HERC1: variants seen among roughly 807,000 people sequenced by gnomAD.
HERC1 encodes the protein probable E3 ubiquitin-protein ligase HERC1.
Under a neutral mutation model 554.3 loss-of-function variants are expected in HERC1, and 160 were observed. That is an observed-to-expected ratio of 0.29 (90% CI 0.25 to 0.33). The LOEUF (loss-of-function observed/expected upper bound fraction) is 0.33. Among genes scored for constraint, HERC1 ranks in the 10% least tolerant of loss-of-function variants. The probability of loss-of-function intolerance (pLI) is 1.00; values close to 1 mark genes in which losing one functional copy is unlikely to be tolerated. For missense variants in HERC1, 4,919 were observed against 5,918.5 expected, an observed-to-expected ratio of 0.83 and a Z score of 5.54; for synonymous variants, 2,175 against 2,131.7, an observed-to-expected ratio of 1.02 and a Z score of -0.56.
chr15:63,760,415 C>A (rs536239334), intron 3 of HERC1, among the ~76,000 whole-genome samples: 10 of 126,976 alleles, frequency 7.9e-5, no homozygotes, highest in Admixed American at 6.1e-4. Flanking sequence ...TACTCCAGCC[C>A]GGGCAGCAGA....
rs573648232 is a variant in HERC1 at position 63,720,103 on chromosome 15, CT to C, written c.3743-1207del. Among the ~76,000 whole-genome samples the C allele has an allele frequency of 4.6e-3, 330 of 71,582 alleles. 26 individuals carry two copies. The highest frequency in any genetic ancestry group is 0.014 in the African/African-American group (226 of 16,622). 47.0% of individuals were successfully genotyped at this position (71,582 alleles called of 152,430 possible). On this transcript the variant is annotated intron_variant, in intron 19 of 77. Transcript: ENST00000443617. ...GGACTAGTCAGGTGCTTTTTCTTCC[CT>C]TTTTTTTTTTTTTTAAGAGACAGGG...
chr15:63,742,838 G>T (rs2074865466), intron 12 of HERC1, among the ~76,000 whole-genome samples: 1 of 152,100 alleles, frequency 6.6e-6, no homozygotes, highest in South Asian at 2.1e-4. Context: ...TAGGTAAGTT[G>T]CTGGATTTGG....
At chr15:63,722,446 G>A (rs1227404866) in intron 19 of HERC1, among the ~76,000 whole-genome samples, 1 of 152,148 alleles carries the variant, frequency 6.6e-6, no homozygotes, top group African/African-American at 2.4e-5. Context: ...GAATATAACA[G>A]TCTCCCTTAT....
intron 8 of HERC1, among the ~76,000 whole-genome samples, chr15:63,751,736 T>C (rs577076084): frequency 6.6e-6 from 1 of 152,290 alleles, no homozygotes; most frequent in East Asian, 1.9e-4. Flanking sequence ...TTTTCACGCA[T>C]ATATATTTGA....
chr15:63,757,687 G>A lies in HERC1; in HGVS notation c.1221+488C>T, dbSNP rs1387161963. Among the ~76,000 whole-genome samples, 9 of 152,106 alleles carry A rather than the reference G, an allele frequency of 5.9e-5. No homozygotes were observed. In the South Asian group the frequency reaches 1.0e-3, roughly 17 times the overall value. On this transcript the variant is annotated intron_variant, in intron 4 of 77. Transcript: ENST00000443617. ...TTTGAAAGTTGGAAATGCTGTCAGG[G>A]ATACTGGGGACTAAAAATGTATTTT... is the stretch of plus-strand genomic sequence containing the variant.
chr15:63,634,940 A>T, intron 65 of HERC1, 52 bp from the exon 66 acceptor site: 1 of 1,395,242 alleles, frequency 7.2e-7, no homozygotes, highest in Non-Finnish European at 9.8e-7. Context: ...AACTAAGAAA[A>T]AAGTAAATCT....
chr15:63,762,999 C>T (rs2075659809), intron 3 of HERC1, among the ~76,000 whole-genome samples: 1 of 152,170 alleles, frequency 6.6e-6, no homozygotes, highest in Non-Finnish European at 1.5e-5. Context: ...CATGCGCCTG[C>T]CCTTTTGACC....
intron 1 of HERC1, among the ~76,000 whole-genome samples, chr15:63,779,030 C>T (rs933276926): frequency 2.6e-5 from 4 of 151,072 alleles, no homozygotes; most frequent in African/African-American, 9.7e-5. Flanking sequence ...ATTATCTCAG[C>T]AATGAAGAAT....
At chr15:63,643,323 A>G in intron 58 of HERC1, 81 bp downstream of exon 58, 1 of 1,243,976 alleles carries the variant, frequency 8.0e-7, no homozygotes, top group Non-Finnish European at 1.1e-6. Context: ...AAATGTTTCT[A>G]CAATTGGTTA....
At chr15:63,790,899 A>G (rs1448878679) in intron 1 of HERC1, among the ~76,000 whole-genome samples, 1 of 152,134 alleles carries the variant, frequency 6.6e-6, no homozygotes, top group Admixed American at 6.5e-5. Context: ...CAAAAGTTAT[A>G]ATCCCTATCC....
intron 3 of HERC1, among the ~76,000 whole-genome samples, chr15:63,759,579 C>A (rs1352891933): frequency 6.6e-6 from 1 of 152,174 alleles, no homozygotes; most frequent in African/African-American, 2.4e-5. Context: ...TAAAGTTTTT[C>A]CATCTATTTG....
At chr15:63,709,115 G>A (rs1263331548) in intron 24 of HERC1, among the ~76,000 whole-genome samples, 1 of 151,208 alleles carries the variant, frequency 6.6e-6, no homozygotes, top group South Asian at 2.1e-4. Flanking sequence ...TCAGCCTCCC[G>A]AGTAGCTGGG....
intron 17 of HERC1, among the ~76,000 whole-genome samples, chr15:63,726,807 G>C (rs1391481862): frequency 6.6e-6 from 1 of 152,104 alleles, no homozygotes; most frequent in Non-Finnish European, 1.5e-5. Context: ...AGGAATAAAA[G>C]AAAGTTCCGC....
At chr15:63,801,766 A>T (rs192812360) in intron 1 of HERC1, among the ~76,000 whole-genome samples, 31 of 152,284 alleles carry the variant, frequency 2.0e-4, no homozygotes, top group Admixed American at 1.4e-3. Flanking sequence ...ACCACAGTGG[A>T]TATATCCTAG....
intron 34 of HERC1, among the ~76,000 whole-genome samples, chr15:63,683,297 T>C (rs1034831231): frequency 2.6e-5 from 4 of 152,174 alleles, no homozygotes; most frequent in East Asian, 1.9e-4. Flanking sequence ...AGTGGGTGGA[T>C]TGGAATTTAA....
At chr15:63,657,126 T>C (rs2070084353) in intron 48 of HERC1, among the ~76,000 whole-genome samples, 2 of 152,198 alleles carry the variant, frequency 1.3e-5, no homozygotes, top group South Asian at 4.1e-4. Flanking sequence ...AAAGTGGTTA[T>C]ACCAATTCAT....
chr15:63,807,885 G>A (rs923733583), intron 1 of HERC1, among the ~76,000 whole-genome samples: 2 of 126,128 alleles, frequency 1.6e-5, no homozygotes, highest in African/African-American at 3.0e-5. Flanking sequence ...TACCTCCCCC[G>A]CCCCCTGCCC....
chr15:63,812,781 T>A (rs2077371300), intron 1 of HERC1, among the ~76,000 whole-genome samples: 1 of 151,448 alleles, frequency 6.6e-6, no homozygotes, highest in Non-Finnish European at 1.5e-5. Flanking sequence ...AAAGAAAAAA[T>A]AAAAATAATA....
chr15:63,615,980 T>C, intron 75 of HERC1, 60 bp from the exon 76 acceptor site: 2 of 1,377,490 alleles, frequency 1.5e-6, no homozygotes, highest in Non-Finnish European at 2.0e-6. Flanking sequence ...AAAAAGTATT[T>C]TACATACAAA....
Sources: allele counts gnomAD v4.1 joint callset (sites outside exome capture counted in the v4.1 genomes callset), GRCh38; gene constraint gnomAD v4.1.1; transcripts MANE v1.5; gene names NCBI Gene and HGNC (gene_info 2026-07-23, HGNC 2026-07-21).